OR4K1: variants seen among roughly 807,000 people sequenced by gnomAD.
OR4K1 encodes the protein olfactory receptor 4K1.
In OR4K1, 16 loss-of-function variants were observed where a neutral mutation model predicts 14.4. The ratio of observed to expected loss-of-function variants is 1.11; its 90% CI spans 0.75 to 1.68. The LOEUF (loss-of-function observed/expected upper bound fraction) is 1.68. Ranked by LOEUF, OR4K1 falls within the 40% of genes most tolerant of loss-of-function variation. The probability of loss-of-function intolerance (pLI) is 0.00; values close to 1 mark genes in which losing one functional copy is unlikely to be tolerated. For synonymous variants in OR4K1, 181 were observed against 133.1 expected, an observed-to-expected ratio of 1.36 and a Z score of -2.48; for missense variants, 548 against 376.9, an observed-to-expected ratio of 1.45 and a Z score of -3.76.
chr14:19,931,742 G>C lies in OR4K1; in HGVS notation c.-20+597G>C, dbSNP rs117232349. On this transcript the variant is annotated intron_variant, in intron 1 of 1. Transcript: ENST00000641172. ...CCAAGAATAGGGAAATTTTCTTATG[G>C]TGTATTTTGGGATCTGAAAACACTC... Among the ~76,000 whole-genome samples, 511 of 152,176 alleles carry C rather than the reference G, an allele frequency of 3.4e-3. 1 individual carries two copies. In the East Asian group the frequency reaches 0.082, roughly 24 times the overall value.
chr14:19,932,138 A>G (rs1434614942), intron 1 of OR4K1, among the ~76,000 whole-genome samples: 1 of 152,260 alleles, frequency 6.6e-6, no homozygotes, highest in African/African-American at 2.4e-5. Flanking sequence ...AAAAATTAAG[A>G]CTAAAAACCT....
chr14:19,920,662 G>A, the OR4K1 span: 2 of 1,613,868 alleles, frequency 1.2e-6, no homozygotes, highest in Non-Finnish European at 1.7e-6. Context: ...GGACTCTGTA[G>A]TTCTCAAAAA....
intron 1 of OR4K1, among the ~76,000 whole-genome samples, chr14:19,935,134 TAACA>T (rs1432608266): frequency 6.6e-6 from 1 of 152,276 alleles, no homozygotes; most frequent in Non-Finnish European, 1.5e-5. Context: ...GCCACTCAAC[TAACA>T]GTTTCCTGAA....
chr14:19,921,838 G>A, the OR4K1 span, among the ~76,000 whole-genome samples: 1 of 152,162 alleles, frequency 6.6e-6, no homozygotes, highest in Non-Finnish European at 1.5e-5. Context: ...TTTTGTTACG[G>A]GGTAAATGTA....
chr14:19,923,070 G>T, the OR4K1 span, among the ~76,000 whole-genome samples: 9 of 152,112 alleles, frequency 5.9e-5, no homozygotes, highest in Admixed American at 2.0e-4. Flanking sequence ...GAATTTCATC[G>T]CTTTGTAACT....
In OR4K1 at chr14:19,936,016, C is replaced by G. The variant is rs1037788955; in HGVS notation, c.350C>G (p.Ala117Gly). ...GGGAGTGAGATGATGTTGCTTGTAG[C>G]TATGGCATATGACAGATTTATAGCC... Reference protein sequence around the residue: ...FVGSEMMLLVAMAYDRFIAIC... With the variant: ...FVGSEMMLLVGMAYDRFIAIC... Residue 117 changes from alanine to glycine, a missense_variant, in exon 2 of 2, where the codon GCT (alanine) becomes GGT (glycine). Physicochemically the swap from Ala to Gly is moderately conservative, Grantham distance 60. Coordinates refer to ENST00000641172, the MANE Select transcript of OR4K1 (RefSeq NM_001004063.3). 1 of 1,614,216 alleles carries G rather than the reference C, an allele frequency of 6.2e-7. No homozygotes were observed. The highest frequency in any genetic ancestry group is 1.7e-4 in the Middle Eastern group (1 of 6,060).
the OR4K1 span, among the ~76,000 whole-genome samples, chr14:19,923,166 G>T: frequency 1.3e-5 from 2 of 152,058 alleles, no homozygotes; most frequent in African/African-American, 2.4e-5. Context: ...TTATTTAATT[G>T]TTCATTATTT....
In OR4K1 at chr14:19,936,463, C is replaced by T; in HGVS notation, c.797C>T (p.Pro266Leu). ...YFYIWPFSRL[P>L]VDKFLSVFYT... The stretch of plus-strand genomic sequence containing the variant: ...TATATATGGCCTTTTAGCAGACTTC[C>T]TGTGGACAAATTTCTTTCTGTGTTC... The change falls in exon 2 of 2, where the codon CCT becomes CTT. Residue 266 changes from proline to leucine, a missense_variant. Physicochemically the swap from Pro to Leu is moderately conservative, Grantham distance 98. Transcript: ENST00000641172. The T allele has an allele frequency of 6.2e-7, 1 of 1,614,004 alleles. No individual in the cohort carries two copies.
upstream of OR4K1, among the ~76,000 whole-genome samples, chr14:19,929,208 A>G (rs8005345): frequency 0.031 from 4,711 of 149,676 alleles, 90 homozygotes; most frequent in African/African-American, 0.076. Context: ...ATAGTAATCT[A>G]CATTTCTTTA....
chr14:19,928,723 A>T (rs1249564815), upstream of OR4K1, among the ~76,000 whole-genome samples: 1 of 152,128 alleles, frequency 6.6e-6, no homozygotes, highest in Non-Finnish European at 1.5e-5. Flanking sequence ...AATTACTCCA[A>T]ATTATGTTGA....
At chr14:19,933,047 G>A (rs1349227214) in intron 1 of OR4K1, among the ~76,000 whole-genome samples, 4 of 150,820 alleles carry the variant, frequency 2.7e-5, no homozygotes, top group Admixed American at 1.3e-4. Context: ...TGCTGTAATA[G>A]ATGTATGTAC....
chr14:19,933,218 C>T (rs1432490898), intron 1 of OR4K1, among the ~76,000 whole-genome samples: 3 of 132,328 alleles, frequency 2.3e-5, no homozygotes, highest in Admixed American at 1.5e-4. Flanking sequence ...TATTTGCATG[C>T]TCTGTGTAAA....
chr14:19,921,623 T>A, the OR4K1 span: 1 of 1,531,012 alleles, frequency 6.5e-7, no homozygotes, highest in Admixed American at 2.1e-5. Context: ...CTGTTTAATA[T>A]TTTAATGTAT....
chr14:19,925,605 T>C, the OR4K1 span, among the ~76,000 whole-genome samples: 1 of 152,260 alleles, frequency 6.6e-6, no homozygotes, highest in Non-Finnish European at 1.5e-5. Context: ...TTTCCTGAGA[T>C]CTCACAATTT....
At chr14:19,921,153 C>G in the OR4K1 span, 3 of 1,614,124 alleles carry the variant, frequency 1.9e-6, no homozygotes, top group Non-Finnish European at 2.5e-6. Context: ...TGATCTTCCT[C>G]GAGTCACCAA....
upstream of OR4K1, among the ~76,000 whole-genome samples, chr14:19,927,318 C>A (rs971312754): frequency 2.6e-5 from 4 of 152,242 alleles, no homozygotes; most frequent in South Asian, 2.1e-4. Context: ...AGGAAGAATT[C>A]TCTCATTGGC....
At chr14:19,925,050 T>C in the OR4K1 span, among the ~76,000 whole-genome samples, 1 of 152,336 alleles carries the variant, frequency 6.6e-6, no homozygotes, top group Non-Finnish European at 1.5e-5. Context: ...AATAGGATAG[T>C]ATTAAAAATT....
At chr14:19,929,068 A>T (rs1882124679), upstream of OR4K1, among the ~76,000 whole-genome samples, 1 of 151,924 alleles carries the variant, frequency 6.6e-6, no homozygotes, top group African/African-American at 2.4e-5. Flanking sequence ...ACCAACTCCA[A>T]GATTATAAAA....
the OR4K1 span, chr14:19,920,779 C>T: frequency 6.2e-7 from 1 of 1,614,202 alleles, no homozygotes; most frequent in Non-Finnish European, 8.5e-7. Context: ...CTGCACTCCC[C>T]TATGTACTTT....
Sources: allele counts gnomAD v4.1 joint callset (sites outside exome capture counted in the v4.1 genomes callset), GRCh38; gene constraint gnomAD v4.1.1; transcripts MANE v1.5; gene names NCBI Gene and HGNC (gene_info 2026-07-23, HGNC 2026-07-21).